NRXN3: variants seen among roughly 807,000 people sequenced by gnomAD.
NRXN3 encodes neurexin 3.
Under a neutral mutation model 137.6 loss-of-function variants are expected in NRXN3, and 32 were observed. That is an observed-to-expected ratio of 0.23 (90% CI 0.18 to 0.31). The LOEUF (loss-of-function observed/expected upper bound fraction) is 0.31, where lower values mean the gene tolerates loss of function less well. NRXN3 is among the 10% of genes least tolerant of loss of function. NRXN3 has a pLI of 1.00. For synonymous variants in NRXN3, 798 were observed against 784.5 expected (o/e 1.02, Z -0.29); for missense variants, 1,574 against 2,062.5 (o/e 0.76, Z 4.59).
At chr14:79,774,008 G>T (rs1418063030) in intron 19 of NRXN3, among the ~76,000 whole-genome samples, 1 of 151,980 alleles carries the variant, frequency 6.6e-6, no homozygotes, top group South Asian at 2.1e-4. Context: ...TCTTAACTGG[G>T]GAAAATTGGG....
At chr14:78,965,962 T>G in intron 11 of NRXN3, 63 bp from the exon 12 acceptor site, 1 of 1,549,538 alleles carries the variant, frequency 6.5e-7, no homozygotes, top group East Asian at 2.2e-5. Flanking sequence ...AAAAATATAC[T>G]TGAGGGTGCT....
intron 4 of NRXN3, among the ~76,000 whole-genome samples, chr14:78,309,542 C>G (rs1555458629): frequency 6.6e-6 from 1 of 150,788 alleles, no homozygotes; most frequent in Non-Finnish European, 1.5e-5. Context: ...AATAATATTT[C>G]AAGAAAAAAA....
intron 15 of NRXN3, among the ~76,000 whole-genome samples, chr14:79,410,060 T>A (rs2095392633): frequency 6.6e-6 from 1 of 151,996 alleles, no homozygotes; most frequent in South Asian, 2.1e-4. Context: ...AGTTAAGGTT[T>A]TTTTTTGGCT....
intron 15 of NRXN3, among the ~76,000 whole-genome samples, chr14:79,348,624 A>G (rs937630626): frequency 6.6e-6 from 1 of 151,798 alleles, no homozygotes; most frequent in Admixed American, 6.6e-5. Flanking sequence ...TGATCCGCCC[A>G]CCTCGGCCTC....
chr14:78,909,998 C>G (rs775362889), intron 10 of NRXN3, among the ~76,000 whole-genome samples: 1 of 152,086 alleles, frequency 6.6e-6, no homozygotes, highest in Non-Finnish European at 1.5e-5. Context: ...CTTGCCTTCT[C>G]TTTACGTATT....
intron 19 of NRXN3, among the ~76,000 whole-genome samples, chr14:79,699,619 A>G (rs10150880): frequency 0.093 from 14,159 of 152,026 alleles, 835 homozygotes; most frequent in African/African-American, 0.16. Flanking sequence ...TCTTTCCGCA[A>G]ATTAAGAAAG....
chr14:79,330,812 C>T (rs975032162), intron 15 of NRXN3, among the ~76,000 whole-genome samples: 3 of 152,208 alleles, frequency 2.0e-5, no homozygotes, highest in African/African-American at 7.2e-5. Context: ...TCCTGTTTAA[C>T]CTTGCCTGGA....
intron 15 of NRXN3, among the ~76,000 whole-genome samples, chr14:79,141,278 A>G (rs533482657): frequency 1.3e-5 from 2 of 152,322 alleles, no homozygotes; most frequent in South Asian, 4.1e-4. Flanking sequence ...ACTTATCACA[A>G]GCACCTTAGT....
At chr14:79,185,213 T>A (rs7142699) in intron 15 of NRXN3, among the ~76,000 whole-genome samples, 6,854 of 152,204 alleles carry the variant, frequency 0.045, 549 homozygotes, top group African/African-American at 0.16. Flanking sequence ...ACCCAGGAAA[T>A]TTTCTGAGGA....
intron 4 of NRXN3, among the ~76,000 whole-genome samples, chr14:78,408,372 C>A (rs1327005820): frequency 6.6e-6 from 1 of 152,170 alleles, no homozygotes; most frequent in East Asian, 1.9e-4. Context: ...ATCTCCAAAG[C>A]ATATGTCAGA....
intron 8 of NRXN3, among the ~76,000 whole-genome samples, chr14:78,727,143 C>A (rs945521178): frequency 6.6e-6 from 1 of 152,130 alleles, no homozygotes; most frequent in Non-Finnish European, 1.5e-5. Flanking sequence ...GTTTCATTAA[C>A]CAGTTCTCAC....
intron 19 of NRXN3, among the ~76,000 whole-genome samples, chr14:79,753,109 T>G (rs1199662079): frequency 7.2e-5 from 11 of 151,920 alleles, no homozygotes; most frequent in African/African-American, 1.2e-4. Context: ...GGAACACTTT[T>G]ACACTGTTGG....
chr14:78,818,951 A>T (rs1315710258), intron 10 of NRXN3, among the ~76,000 whole-genome samples: 1 of 152,076 alleles, frequency 6.6e-6, no homozygotes, highest in Non-Finnish European at 1.5e-5. Flanking sequence ...CTAATTCAAC[A>T]TTCAATTCAA....
intron 15 of NRXN3, among the ~76,000 whole-genome samples, chr14:79,354,301 T>C (rs1455895713): frequency 6.6e-6 from 1 of 152,186 alleles, no homozygotes; most frequent in Non-Finnish European, 1.5e-5. Flanking sequence ...TTTAAAAATA[T>C]GGTATCAATG....
intron 15 of NRXN3, among the ~76,000 whole-genome samples, chr14:79,413,756 C>T (rs754460011): frequency 7.2e-5 from 11 of 151,902 alleles, no homozygotes; most frequent in East Asian, 1.9e-4. Flanking sequence ...ATGAAACATG[C>T]GACTCTTTTT....
chr14:79,151,899 G>A (rs1271725698), intron 15 of NRXN3, among the ~76,000 whole-genome samples: 1 of 151,962 alleles, frequency 6.6e-6, no homozygotes. Flanking sequence ...TAAAAATAGT[G>A]TTTTATATTT....
At chr14:78,241,936 C>A (rs2067134824) in intron 1 of NRXN3, among the ~76,000 whole-genome samples, 1 of 152,050 alleles carries the variant, frequency 6.6e-6, no homozygotes, top group South Asian at 2.1e-4. Context: ...TTAGGGGTAG[C>A]AATTTGCCTT....
At chr14:79,629,145 T>TAATTTTTAAATG (rs1181297115) in intron 16 of NRXN3, among the ~76,000 whole-genome samples, 2 of 152,202 alleles carry the variant, frequency 1.3e-5, no homozygotes, top group Non-Finnish European at 2.9e-5. Flanking sequence ...TGTCCCCAGA[T>TAATTTTTAAATG]AATTTTTAAA....
At chr14:79,804,993 C>T (rs556470407) in intron 19 of NRXN3, 119 bp from the exon 20 acceptor site, 4 of 682,154 alleles carry the variant, frequency 5.9e-6, no homozygotes, top group South Asian at 5.6e-5. Context: ...GAAAAATAAT[C>T]GTAATGATGG....
Sources: allele counts gnomAD v4.1 joint callset (sites outside exome capture counted in the v4.1 genomes callset), GRCh38; gene constraint gnomAD v4.1.1; transcripts MANE v1.5; gene names NCBI Gene and HGNC (gene_info 2026-07-23, HGNC 2026-07-21).